Variants in KCNJ3 observed in about 807,000 individuals in gnomAD.
KCNJ3 encodes the protein potassium inwardly rectifying channel subfamily J member 3, also known as G protein-activated inward rectifier potassium channel 1.
KCNJ3 carries 4 observed loss-of-function variants against 39.2 expected under a neutral mutation model. The observed-to-expected ratio is 0.10, with a 90% CI of 0.05 to 0.23. The LOEUF (loss-of-function observed/expected upper bound fraction) is 0.23. KCNJ3 is among the 10% of genes least tolerant of loss of function. The pLI, the probability that KCNJ3 is intolerant of heterozygous loss-of-function variation, is 1.00. For missense variants in KCNJ3, 276 were observed against 634.9 expected (o/e 0.43, Z 6.08); for synonymous variants, 230 against 237.4 (o/e 0.97, Z 0.29).
intron 2 of KCNJ3, among the ~76,000 whole-genome samples, chr2:154,726,689 C>T (rs1295799741): frequency 6.6e-6 from 1 of 151,824 alleles, no homozygotes; most frequent in African/African-American, 2.4e-5. Flanking sequence ...GCACAATTCA[C>T]AGTCACAAAA....
intron 2 of KCNJ3, among the ~76,000 whole-genome samples, chr2:154,803,863 A>ATAT (rs1361984382): frequency 6.6e-6 from 1 of 152,066 alleles, no homozygotes; most frequent in African/African-American, 2.4e-5. Flanking sequence ...GTGAATAAAA[A>ATAT]TATTCTGGAT....
intron 2 of KCNJ3, among the ~76,000 whole-genome samples, chr2:154,822,263 A>G (rs1687197606): frequency 6.6e-6 from 1 of 152,200 alleles, no homozygotes; most frequent in African/African-American, 2.4e-5. Context: ...TTTTCTTAAT[A>G]TGTGGGATTG....
At chr2:154,740,176 CAT>C (rs1371138326) in intron 2 of KCNJ3, among the ~76,000 whole-genome samples, 1 of 151,832 alleles carries the variant, frequency 6.6e-6, no homozygotes, top group Non-Finnish European at 1.5e-5. Context: ...TTAAAAAAGA[CAT>C]AGAGATTTCC....
intron 2 of KCNJ3, among the ~76,000 whole-genome samples, chr2:154,792,696 G>A (rs1017264671): frequency 1.3e-5 from 2 of 152,052 alleles, no homozygotes; most frequent in East Asian, 3.9e-4. Flanking sequence ...AAGCCCAAAG[G>A]CAGAGAGATC....
intron 2 of KCNJ3, among the ~76,000 whole-genome samples, chr2:154,764,711 A>G (rs1248026447): frequency 9.8e-5 from 15 of 152,330 alleles, no homozygotes; most frequent in Non-Finnish European, 1.9e-4. Flanking sequence ...AATTAAAAAA[A>G]AAGATCTGGG....
At chr2:154,746,624 A>ATATG (rs200195163) in intron 2 of KCNJ3, among the ~76,000 whole-genome samples, 4 of 128,958 alleles carry the variant, frequency 3.1e-5, no homozygotes, top group Non-Finnish European at 1.6e-5. Flanking sequence ...ATATATATAT[A>ATATG]TATATATGTA....
At chr2:154,729,697 TG>T (rs1685419365) in intron 2 of KCNJ3, among the ~76,000 whole-genome samples, 2 of 152,174 alleles carry the variant, frequency 1.3e-5, no homozygotes, top group Admixed American at 1.3e-4. Flanking sequence ...AAGCAGAGAC[TG>T]GGGACTAAGA....
At chr2:154,765,993 C>T (rs926257657) in intron 2 of KCNJ3, among the ~76,000 whole-genome samples, 2 of 152,112 alleles carry the variant, frequency 1.3e-5, no homozygotes, top group African/African-American at 2.4e-5. Context: ...GCACACACGC[C>T]ATTAGTAAGT....
chr2:154,706,926 G>A (rs1424625886), intron 1 of KCNJ3, among the ~76,000 whole-genome samples: 1 of 152,020 alleles, frequency 6.6e-6, no homozygotes, highest in Non-Finnish European at 1.5e-5. Context: ...GAATTTCAGT[G>A]ATTAAGAGGC....
chr2:154,768,909 T>G, intron 2 of KCNJ3, among the ~76,000 whole-genome samples: 1 of 152,082 alleles, frequency 6.6e-6, no homozygotes, highest in Non-Finnish European at 1.5e-5. Flanking sequence ...TCACGTCCCT[T>G]TAAGTTGGAT....
intron 2 of KCNJ3, among the ~76,000 whole-genome samples, chr2:154,784,147 TAACTC>T (rs1047000660): frequency 6.6e-6 from 1 of 152,234 alleles, no homozygotes; most frequent in African/African-American, 2.4e-5. Context: ...TTGATAATGT[TAACTC>T]AAAGATTTTC....
chr2:154,771,817 T>C (rs1249568444), intron 2 of KCNJ3, among the ~76,000 whole-genome samples: 1 of 152,216 alleles, frequency 6.6e-6, no homozygotes, highest in African/African-American at 2.4e-5. Flanking sequence ...TCATGGGTTG[T>C]ACTCCTCTAA....
intron 2 of KCNJ3, among the ~76,000 whole-genome samples, chr2:154,790,724 C>T (rs751087463): frequency 6.6e-6 from 1 of 151,882 alleles, no homozygotes; most frequent in Non-Finnish European, 1.5e-5. Flanking sequence ...CATAGGCCAC[C>T]TATTAGAATG....
intron 2 of KCNJ3, among the ~76,000 whole-genome samples, chr2:154,794,374 A>G (rs1002873640): frequency 6.6e-6 from 1 of 151,966 alleles, no homozygotes; most frequent in South Asian, 2.1e-4. Flanking sequence ...AAATGTTAAC[A>G]TTTTCAATTT....
At chr2:154,711,580 G>A (rs1685103704) in intron 2 of KCNJ3, among the ~76,000 whole-genome samples, 2 of 152,068 alleles carry the variant, frequency 1.3e-5, no homozygotes, top group Admixed American at 6.5e-5. Context: ...ATCACGGTCT[G>A]AAGATGTTAT....
intron 2 of KCNJ3, among the ~76,000 whole-genome samples, chr2:154,795,734 T>C (rs1171956321): frequency 6.6e-6 from 1 of 152,122 alleles, no homozygotes; most frequent in Non-Finnish European, 1.5e-5. Context: ...AGGAGGCCTC[T>C]TTTTCAGTCA....
intron 2 of KCNJ3, among the ~76,000 whole-genome samples, chr2:154,834,677 C>G (rs536185159): frequency 6.6e-6 from 1 of 151,656 alleles, no homozygotes; most frequent in South Asian, 2.1e-4. Flanking sequence ...TACAGTGAGC[C>G]GAGTGAGCCA....
chr2:154,770,107 TGTCATC>T (rs1166336986), intron 2 of KCNJ3, among the ~76,000 whole-genome samples: 1 of 152,184 alleles, frequency 6.6e-6, no homozygotes, highest in Non-Finnish European at 1.5e-5. Context: ...GAGACAAGTA[TGTCATC>T]GGGAGCCAAT....
Position 154,824,026 on chromosome 2 carries a change from T to C in KCNJ3, c.920-30701T>C, listed in dbSNP as rs149441463. Among the ~76,000 whole-genome samples, 118 of 152,242 alleles carry C rather than the reference T, an allele frequency of 7.8e-4. 1 individual carries two copies. Among genetic ancestry groups the C allele is most frequent in the African/African-American group, 2.7e-3 (113 of 41,550 alleles). Reference sequence around the variant, plus strand: ...CAATGAGAAATTGAGAAAATTATATTTGGCTTTAAATTACCCTATACTTAG... The same window carrying C: ...CAATGAGAAATTGAGAAAATTATATCTGGCTTTAAATTACCCTATACTTAG... On this transcript the variant is annotated intron_variant, in intron 2 of 2. Coordinates refer to ENST00000295101, the MANE Select transcript of KCNJ3 (RefSeq NM_002239.4).
Sources: allele counts gnomAD v4.1 joint callset (sites outside exome capture counted in the v4.1 genomes callset), GRCh38; gene constraint gnomAD v4.1.1; transcripts MANE v1.5; gene names NCBI Gene and HGNC (gene_info 2026-07-23, HGNC 2026-07-21).